Variants in GAS2 observed in about 807,000 individuals in gnomAD.
GAS2 encodes the protein growth arrest-specific protein 2.
Under a neutral mutation model 37.5 loss-of-function variants are expected in GAS2, and 20 were observed. The ratio of observed to expected loss-of-function variants is 0.53; its 90% CI spans 0.37 to 0.77. The LOEUF (loss-of-function observed/expected upper bound fraction) is 0.77, where lower values mean the gene tolerates loss of function less well. Ranked by LOEUF, GAS2 falls within the 30% of genes least tolerant of loss-of-function variation. The pLI, the probability that GAS2 is intolerant of heterozygous loss-of-function variation, is 0.00. For missense variants in GAS2, 336 were observed against 373.4 expected (o/e 0.90, Z 0.82); for synonymous variants, 144 against 132.2 (o/e 1.09, Z -0.61).
At chr11:22,692,899 G>C (rs1297171595) in intron 3 of GAS2, among the ~76,000 whole-genome samples, 1 of 152,058 alleles carries the variant, frequency 6.6e-6, no homozygotes, top group Non-Finnish European at 1.5e-5. Flanking sequence ...ACAAGAACAA[G>C]CGAGGAACAT....
In GAS2 at chr11:22,690,769, T is replaced by C. The variant is rs143172827; in HGVS notation, c.267+4980T>C. 4.3e-3 allele frequency among the ~76,000 whole-genome samples: 662 copies of C among 152,306 alleles called. 7 individuals carry two copies. The highest frequency in any genetic ancestry group is 0.015 in the African/African-American group (625 of 41,568). On this transcript the variant is annotated intron_variant, in intron 3 of 7. Transcript: ENST00000454584. ...GCTACCCGATCGGAATTGGCATCTCTAATCAAGACAGGGGAATTGTTACAT... is the reference window on the plus strand; with the variant it reads ...GCTACCCGATCGGAATTGGCATCTCCAATCAAGACAGGGGAATTGTTACAT...
chr11:22,727,623 A>T (rs1039534097), intron 4 of GAS2, among the ~76,000 whole-genome samples: 3 of 151,838 alleles, frequency 2.0e-5, no homozygotes, highest in African/African-American at 7.3e-5. Flanking sequence ...AGACCTGAAT[A>T]AAAAAAAGGA....
intron 1 of GAS2, among the ~76,000 whole-genome samples, chr11:22,669,192 G>T (rs924479188): frequency 2.7e-4 from 41 of 152,114 alleles, no homozygotes; most frequent in African/African-American, 9.4e-4. Context: ...CAACAGAAAA[G>T]AATTTTCTCA....
chr11:22,643,953 C>T (rs1003976099), intron 1 of GAS2, among the ~76,000 whole-genome samples: 2 of 151,744 alleles, frequency 1.3e-5, no homozygotes, highest in African/African-American at 4.8e-5. Flanking sequence ...TTCATTATTT[C>T]TCAACCTCCT....
At chr11:22,698,962 T>C (rs972887996) in intron 3 of GAS2, among the ~76,000 whole-genome samples, 11 of 152,224 alleles carry the variant, frequency 7.2e-5, no homozygotes, top group African/African-American at 2.7e-4. Flanking sequence ...AAATGTTTAA[T>C]TCCATATCTT....
chr11:22,707,198 C>G (rs891321839), intron 3 of GAS2, among the ~76,000 whole-genome samples: 1 of 152,090 alleles, frequency 6.6e-6, no homozygotes, highest in Non-Finnish European at 1.5e-5. Flanking sequence ...GATAGTAGTG[C>G]TTTGTTTTGC....
intron 7 of GAS2, among the ~76,000 whole-genome samples, chr11:22,800,111 C>T (rs1856598754): frequency 6.6e-6 from 1 of 151,952 alleles, no homozygotes; most frequent in South Asian, 2.1e-4. Context: ...CAGTGCACAT[C>T]CTGAACAGTC....
At chr11:22,678,206 A>G (rs761896532) in intron 2 of GAS2, among the ~76,000 whole-genome samples, 10 of 152,168 alleles carry the variant, frequency 6.6e-5, no homozygotes, top group Admixed American at 1.3e-4. Flanking sequence ...AAAAAGTGGT[A>G]AAACATTTGG....
chr11:22,630,388 G>A (rs147552073), intron 1 of GAS2, among the ~76,000 whole-genome samples: 336 of 152,190 alleles, frequency 2.2e-3, no homozygotes, highest in African/African-American at 7.8e-3. Flanking sequence ...ACATAGGCAT[G>A]GGCAAGAACT....
At chr11:22,645,557 T>A (rs553303667) in intron 1 of GAS2, among the ~76,000 whole-genome samples, 10 of 152,098 alleles carry the variant, frequency 6.6e-5, no homozygotes, top group Admixed American at 1.3e-4. Context: ...TATATTTATA[T>A]CAGGCTAAAT....
At chr11:22,746,955 T>C (rs904328978) in intron 5 of GAS2, among the ~76,000 whole-genome samples, 7 of 152,120 alleles carry the variant, frequency 4.6e-5, no homozygotes, top group African/African-American at 1.4e-4. Flanking sequence ...AATGTGAGTA[T>C]TGTTGGTACT....
At chr11:22,650,874 T>G (rs930737245) in intron 1 of GAS2, among the ~76,000 whole-genome samples, 1 of 151,300 alleles carries the variant, frequency 6.6e-6, no homozygotes, top group African/African-American at 2.4e-5. Context: ...CTTTATCCAA[T>G]TTGCCAGTCT....
At chr11:22,647,704 G>C (rs1848718714) in intron 1 of GAS2, among the ~76,000 whole-genome samples, 1 of 152,124 alleles carries the variant, frequency 6.6e-6, no homozygotes, top group Non-Finnish European at 1.5e-5. Context: ...TGTGTTTCTT[G>C]GCTGCATAAA....
intron 3 of GAS2, among the ~76,000 whole-genome samples, chr11:22,697,820 T>A (rs868607940): frequency 6.6e-6 from 1 of 152,116 alleles, no homozygotes; most frequent in East Asian, 1.9e-4. Flanking sequence ...GCTGAAGTTG[T>A]TTATCAGCTT....
At chr11:22,786,566 CA>C (rs1855827776) in intron 7 of GAS2, among the ~76,000 whole-genome samples, 1 of 152,116 alleles carries the variant, frequency 6.6e-6, no homozygotes, top group South Asian at 2.1e-4. Context: ...GTGTCTTGAA[CA>C]ATTTGCTGAA....
At chr11:22,668,718 C>T (rs1849086343) in intron 1 of GAS2, among the ~76,000 whole-genome samples, 1 of 152,148 alleles carries the variant, frequency 6.6e-6, no homozygotes, top group African/African-American at 2.4e-5. Flanking sequence ...TACTTCAAGA[C>T]TGGAAGTCTG....
At chr11:22,740,667 T>C (rs573110764) in intron 5 of GAS2, among the ~76,000 whole-genome samples, 97 of 152,288 alleles carry the variant, frequency 6.4e-4, no homozygotes, top group African/African-American at 2.1e-3. Flanking sequence ...TAAACTCAGA[T>C]CTTACTGTTT....
At chr11:22,751,422 CT>C (rs1853721697) in intron 6 of GAS2, among the ~76,000 whole-genome samples, 1 of 151,888 alleles carries the variant, frequency 6.6e-6, no homozygotes, top group African/African-American at 2.4e-5. Context: ...AAGCATTTAC[CT>C]TTTTGGGTAT....
Position 22,749,238 on chromosome 11 carries a change from AC to A in GAS2, c.593del (p.Thr198LysfsTer9), listed in dbSNP as rs1334637343. 6.2e-7 allele frequency: 1 copy of A among 1,612,164 alleles called. No homozygotes were observed. Among genetic ancestry groups the A allele is most frequent in the Non-Finnish European group, 8.5e-7 (1 of 1,179,004 alleles). On this transcript the variant is annotated frameshift_variant, in exon 6 of 8. Coordinates refer to ENST00000454584, the MANE Select transcript of GAS2 (RefSeq NM_001143830.3). LOFTEE classifies it high-confidence loss of function. Reference protein sequence around the residue: ...PSSKSSGKKSTGNLLDDAVKR... With the variant: ...PSSKSSGKKSXGNLLDDAVKR... ...ATCAAAGTCTTCTGGAAAAAAGAGTACAGGAAACTTACTGGATGATGCAGTA... is the reference window on the plus strand; with the variant it reads ...ATCAAAGTCTTCTGGAAAAAAGAGTAAGGAAACTTACTGGATGATGCAGTA...
Sources: gnomAD v4.1 joint callset for allele counts (sites outside exome capture counted in the v4.1 genomes callset) on GRCh38, gnomAD v4.1.1 for gene constraint, MANE v1.5 for transcripts, NCBI Gene and HGNC (gene_info 2026-07-23, HGNC 2026-07-21) for gene names.